The following LRRTM4 variants were observed in gnomAD, a reference collection of about 807,000 sequenced individuals.
The protein encoded by LRRTM4 is leucine rich repeat transmembrane neuronal 4.
A neutral mutation model predicts 47.6 loss-of-function variants in LRRTM4; 25 were observed. The observed-to-expected ratio is 0.53, with a 90% CI of 0.38 to 0.73. The LOEUF (loss-of-function observed/expected upper bound fraction) is 0.73, where lower values mean the gene tolerates loss of function less well. LRRTM4 is among the 30% of genes least tolerant of loss of function. The pLI is 0.00. For synonymous variants in LRRTM4, 311 were observed against 269.5 expected (o/e 1.15, Z -1.51); for missense variants, 638 against 713.4 (o/e 0.89, Z 1.20).
In LRRTM4 at chr2:76,871,317, A is replaced by G. The variant is rs188217624; in HGVS notation, c.1552-122401T>C. Among the ~76,000 whole-genome samples, 388 of 152,302 alleles carry G rather than the reference A, an allele frequency of 2.5e-3. 8 individuals carry two copies. Among genetic ancestry groups the G allele is most frequent in the African/African-American group, 9.0e-3 (374 of 41,582 alleles). ...TTCTAGTTCAATCTTCTGATATTAC[A>G]GATAATGGAAAGAGCATAAATGGAG... On this transcript the variant is annotated intron_variant, in intron 3 of 3. Coordinates refer to ENST00000409884, the MANE Select transcript of LRRTM4 (RefSeq NM_001134745.3).
At chr2:77,363,849 CATATT>C (rs899828176) in intron 3 of LRRTM4, among the ~76,000 whole-genome samples, 2 of 152,068 alleles carry the variant, frequency 1.3e-5, no homozygotes, top group Non-Finnish European at 2.9e-5. Flanking sequence ...TTTAACAAAA[CATATT>C]ATATAACTCT....
chr2:77,515,672 T>C (rs1225434310), intron 3 of LRRTM4, among the ~76,000 whole-genome samples: 1 of 151,824 alleles, frequency 6.6e-6, no homozygotes, highest in Non-Finnish European at 1.5e-5. Flanking sequence ...AAACTAGTGA[T>C]ATATGAGACT....
At chr2:77,391,936 A>T (rs1673520478) in intron 3 of LRRTM4, among the ~76,000 whole-genome samples, 1 of 152,174 alleles carries the variant, frequency 6.6e-6, no homozygotes, top group East Asian at 1.9e-4. Flanking sequence ...AATAGATAAC[A>T]GACCCTAAAA....
intron 3 of LRRTM4, among the ~76,000 whole-genome samples, chr2:76,937,203 G>A (rs1260543506): frequency 6.6e-6 from 1 of 151,858 alleles, no homozygotes; most frequent in Non-Finnish European, 1.5e-5. Context: ...CCTTGTTTAT[G>A]GACCAAAATT....
chr2:77,265,399 A>C (rs1282973170), intron 3 of LRRTM4, among the ~76,000 whole-genome samples: 2 of 152,036 alleles, frequency 1.3e-5, no homozygotes, highest in African/African-American at 4.8e-5. Context: ...TGGGTGTTAG[A>C]GTCTTACAAA....
intron 3 of LRRTM4, among the ~76,000 whole-genome samples, chr2:76,785,632 T>C (rs757143625): frequency 1.3e-5 from 2 of 152,098 alleles, no homozygotes; most frequent in Non-Finnish European, 2.9e-5. Flanking sequence ...AGGCCATAAG[T>C]AGGGTAAGTA....
chr2:76,860,508 C>G (rs917365933), intron 3 of LRRTM4, among the ~76,000 whole-genome samples: 2 of 151,968 alleles, frequency 1.3e-5, no homozygotes, highest in Non-Finnish European at 2.9e-5. Context: ...CCCCTTGTGC[C>G]ATAGGTTAGA....
At chr2:77,225,278 G>A (rs1190286994) in intron 3 of LRRTM4, among the ~76,000 whole-genome samples, 2 of 150,298 alleles carry the variant, frequency 1.3e-5, no homozygotes, top group Non-Finnish European at 1.5e-5. Context: ...ATGAGTTAAT[G>A]GGTGCAGCAC....
chr2:76,842,114 A>C (rs1573197311), intron 3 of LRRTM4, among the ~76,000 whole-genome samples: 1 of 152,170 alleles, frequency 6.6e-6, no homozygotes, highest in Admixed American at 6.5e-5. Context: ...GGCCCTTCCC[A>C]TTATGGGTGG....
intron 3 of LRRTM4, among the ~76,000 whole-genome samples, chr2:76,881,205 TATC>T (rs1426574669): frequency 6.6e-6 from 1 of 152,150 alleles, no homozygotes; most frequent in Non-Finnish European, 1.5e-5. Context: ...TATGTACAGT[TATC>T]ATGTGTCAAA....
intron 3 of LRRTM4, among the ~76,000 whole-genome samples, chr2:77,058,842 A>T (rs1311440936): frequency 1.3e-5 from 2 of 152,132 alleles, no homozygotes; most frequent in South Asian, 2.1e-4. Context: ...TATCAATCTA[A>T]TATAGGTAAT....
At chr2:76,880,541 T>C (rs1672900632) in intron 3 of LRRTM4, among the ~76,000 whole-genome samples, 2 of 152,170 alleles carry the variant, frequency 1.3e-5, no homozygotes, top group South Asian at 4.1e-4. Flanking sequence ...AAAAAAATCA[T>C]GTGACTTGCT....
At chr2:77,272,496 T>A (rs1415272186) in intron 3 of LRRTM4, among the ~76,000 whole-genome samples, 1 of 152,156 alleles carries the variant, frequency 6.6e-6, no homozygotes, top group African/African-American at 2.4e-5. Flanking sequence ...ACAAGTGTAT[T>A]GATCATCATT....
chr2:76,891,122 G>A (rs1028412006), intron 3 of LRRTM4, among the ~76,000 whole-genome samples: 5 of 151,918 alleles, frequency 3.3e-5, no homozygotes, highest in East Asian at 1.9e-4. Flanking sequence ...GAAAACTGAA[G>A]AATCTACAGA....
chr2:77,311,428 A>G (rs1234263056), intron 3 of LRRTM4, among the ~76,000 whole-genome samples: 1 of 152,172 alleles, frequency 6.6e-6, no homozygotes, highest in Non-Finnish European at 1.5e-5. Context: ...GCATAGTCTC[A>G]GGAGTGGGAA....
intron 3 of LRRTM4, among the ~76,000 whole-genome samples, chr2:77,102,003 C>T (rs915142188): frequency 1.1e-4 from 17 of 152,178 alleles, no homozygotes; most frequent in Admixed American, 3.3e-4. Context: ...AGGAACTAAG[C>T]GGATATTGCA....
chr2:77,172,904 T>G (rs930816804), intron 3 of LRRTM4, among the ~76,000 whole-genome samples: 1 of 152,204 alleles, frequency 6.6e-6, no homozygotes, highest in African/African-American at 2.4e-5. Context: ...TCATGCTACA[T>G]TTTTATGCTT....
At chr2:77,144,478 T>C (rs1364665321) in intron 3 of LRRTM4, among the ~76,000 whole-genome samples, 1 of 151,434 alleles carries the variant, frequency 6.6e-6, no homozygotes, top group East Asian at 1.9e-4. Flanking sequence ...TACACATTCA[T>C]GAGAGAAGGA....
intron 3 of LRRTM4, among the ~76,000 whole-genome samples, chr2:77,292,980 G>A (rs72915909): frequency 0.025 from 3,849 of 151,686 alleles, 155 homozygotes; most frequent in African/African-American, 0.086. Flanking sequence ...AAAACTTAAA[G>A]TATAATAATA....
Sources: gnomAD v4.1 joint callset for allele counts (sites outside exome capture counted in the v4.1 genomes callset) on GRCh38, gnomAD v4.1.1 for gene constraint, MANE v1.5 for transcripts, NCBI Gene and HGNC (gene_info 2026-07-23, HGNC 2026-07-21) for gene names.